TTF1: variants seen among roughly 807,000 people sequenced by gnomAD.
TTF1 encodes transcription termination factor, RNA polymerase I.
TTF1 carries 64 observed loss-of-function variants against 80.2 expected under a neutral mutation model. The ratio of observed to expected loss-of-function variants is 0.80; its 90% CI spans 0.65 to 0.98. TTF1 has a LOEUF of 0.98. TTF1 is among the 50% of genes least tolerant of loss of function. The pLI, the probability that TTF1 is intolerant of heterozygous loss-of-function variation, is 0.00. For missense variants in TTF1, 1,023 were observed against 1,086.2 expected (o/e 0.94, Z 0.82); for synonymous variants, 372 against 382.7 (o/e 0.97, Z 0.33).
intron 9 of TTF1, 89 bp downstream of exon 9, chr9:132,386,464 CATT>C: frequency 1.9e-6 from 2 of 1,076,496 alleles, no homozygotes; most frequent in Non-Finnish European, 2.8e-6. Flanking sequence ...AATGCAGCAT[CATT>C]ATCAGCCCTG....
intron 1 of TTF1, among the ~76,000 whole-genome samples, chr9:132,406,385 T>C (rs1849867546): frequency 6.6e-6 from 1 of 152,086 alleles, no homozygotes; most frequent in African/African-American, 2.4e-5. Flanking sequence ...GTGGATCACC[T>C]GAAGTCAGGA....
intron 9 of TTF1, among the ~76,000 whole-genome samples, chr9:132,383,915 C>T (rs2131626544): frequency 6.6e-6 from 1 of 152,220 alleles, no homozygotes; most frequent in Non-Finnish European, 1.5e-5. Flanking sequence ...ACATATATAG[C>T]CAGTCCCCTA....
chr9:132,388,316 T>A, intron 7 of TTF1, 88 bp from the exon 8 acceptor site: 2 of 925,870 alleles, frequency 2.2e-6, no homozygotes, highest in Non-Finnish European at 3.2e-6. Flanking sequence ...TAAATTGCTC[T>A]CATTCAGAAC....
chr9:132,388,017 C>A, intron 8 of TTF1, 122 bp downstream of exon 8: 1 of 655,378 alleles, frequency 1.5e-6, no homozygotes, highest in East Asian at 2.8e-5. Flanking sequence ...ACAATACATG[C>A]GGAAAGTGCT....
At chr9:132,404,727 T>C (rs933893727) in intron 1 of TTF1, among the ~76,000 whole-genome samples, 2 of 152,188 alleles carry the variant, frequency 1.3e-5, no homozygotes, top group African/African-American at 4.8e-5. Context: ...CATCCACTTA[T>C]TAACCCACAT....
chr9:132,388,848 A>G (rs1849513821), intron 7 of TTF1, among the ~76,000 whole-genome samples: 1 of 152,260 alleles, frequency 6.6e-6, no homozygotes, highest in Non-Finnish European at 1.5e-5. Context: ...TATCTTGAAT[A>G]GCAAAATTTG....
intron 1 of TTF1, among the ~76,000 whole-genome samples, chr9:132,405,142 CT>C (rs955396667): frequency 3.3e-5 from 5 of 152,210 alleles, no homozygotes; most frequent in Non-Finnish European, 7.3e-5. Flanking sequence ...CCGCCTCGGC[CT>C]CCCAAAGTGC....
intron 3 of TTF1, among the ~76,000 whole-genome samples, 182 bp from the exon 4 acceptor site, chr9:132,398,508 C>T (rs932833355): frequency 6.6e-6 from 1 of 152,236 alleles, no homozygotes; most frequent in Non-Finnish European, 1.5e-5. Flanking sequence ...CCAAGCCACA[C>T]CTCTTCTGTC....
intron 9 of TTF1, among the ~76,000 whole-genome samples, chr9:132,382,668 A>G (rs985899126): frequency 6.6e-6 from 1 of 151,878 alleles, no homozygotes; most frequent in African/African-American, 2.4e-5. Context: ...ATGGTGGCTC[A>G]CGTCTGTAAT....
chr9:132,405,243 C>T (rs1849844942), intron 1 of TTF1, among the ~76,000 whole-genome samples: 1 of 151,538 alleles, frequency 6.6e-6, no homozygotes, highest in Admixed American at 6.6e-5. Context: ...CTCGTTCTGT[C>T]ACCCAGGCTG....
At position 132,384,213 on chromosome 9, in the gene TTF1, G is replaced by A. The variant is rs1295976502; in HGVS notation, c.2378+2343C>T. 6.6e-6 allele frequency among the ~76,000 whole-genome samples: 1 copy of A among 151,962 alleles called. No homozygotes were observed. The highest frequency in any genetic ancestry group is 1.5e-5 in the Non-Finnish European group (1 of 67,978). ...ATCTGTCTAAAATTTTCCTAATAAA[G>A]TTTCTGAAAAAAATAATTGGGCATT... On this transcript the variant is annotated intron_variant, in intron 9 of 10. Coordinates refer to ENST00000334270, the MANE Select transcript of TTF1 (RefSeq NM_007344.4). This position sits in a 1 kb window ranked among gnomAD's most constrained non-coding sequence, Gnocchi z 4.1.
intron 5 of TTF1, among the ~76,000 whole-genome samples, chr9:132,393,268 A>AGC (rs571260507): frequency 0.028 from 2,697 of 97,136 alleles, 52 homozygotes; most frequent in Non-Finnish European, 0.048. Flanking sequence ...GTTGGGAGCA[A>AGC]GCCCCCCCCG....
intron 1 of TTF1, among the ~76,000 whole-genome samples, chr9:132,403,750 T>C (rs1273943904): frequency 2.6e-5 from 4 of 152,170 alleles, no homozygotes; most frequent in Admixed American, 2.0e-4. Flanking sequence ...GTTTGTACCA[T>C]GGAGAAGCCA....
rs2131621151 is a variant in TTF1, at chr9:132,379,233, A to C, written c.2379-89T>G. 3.2e-6 allele frequency: 3 copies of C among 930,222 alleles called. No individual in the cohort carries two copies. In the East Asian group the frequency reaches 8.0e-5, roughly 25 times the overall value. 57.6% of individuals were successfully genotyped at this position (930,222 alleles called of 1,614,324 possible). ...TGTAGTAAGTACATTTATTCAGGTG[A>C]GGTTTATAGTTTTTTTTATCGTAAA... On this transcript the variant is annotated intron_variant, in intron 9 of 10. Coordinates refer to ENST00000334270, the MANE Select transcript of TTF1 (RefSeq NM_007344.4).
intron 7 of TTF1, among the ~76,000 whole-genome samples, chr9:132,389,507 A>G (rs970974104): frequency 6.6e-6 from 1 of 152,112 alleles, no homozygotes; most frequent in Non-Finnish European, 1.5e-5. Flanking sequence ...TTAGCTAAAA[A>G]TAGAGGTAAA....
intron 3 of TTF1, 105 bp downstream of exon 3, chr9:132,399,930 G>A: frequency 8.1e-7 from 1 of 1,227,650 alleles, no homozygotes; most frequent in African/African-American, 1.5e-5. Context: ...GGAGGAGAAA[G>A]AATGCTTCTT....
Position 132,401,985 on chromosome 9 carries a change from C to CTTTTT in TTF1, c.832_836dup (p.Lys281ArgfsTer144). The CTTTTT allele has an allele frequency of 6.2e-7, 1 of 1,613,472 alleles. No homozygotes were observed. On this transcript the variant is annotated frameshift_variant, in exon 2 of 11. Coordinates refer to ENST00000334270, the MANE Select transcript of TTF1 (RefSeq NM_007344.4). LOFTEE classifies it high-confidence loss of function. ...ATTCCTGGTGATTGGACTTTTTCTT[C>CTTTTT]TTTTTTTTCTTAGACTTTTTTTTGT... is the stretch of plus-strand genomic sequence containing the variant.
At chr9:132,386,976 G>A (rs1849479909) in intron 8 of TTF1, among the ~76,000 whole-genome samples, 1 of 151,734 alleles carries the variant, frequency 6.6e-6, no homozygotes, top group South Asian at 2.1e-4. Flanking sequence ...TCTTTTTTTT[G>A]ATACAGGGTC....
rs533267416 is a variant in TTF1 at position 132,386,429 on chromosome 9, TA to T, written c.2378+126del. 7.1e-6 allele frequency: 6 copies of T among 841,426 alleles called. No homozygotes were observed. In the African/African-American group the frequency reaches 8.7e-5, roughly 12 times the overall value. 52.1% of individuals were successfully genotyped at this position (841,426 alleles called of 1,614,324 possible). A position where few individuals can be genotyped will look rare whatever the true frequency, so the allele number is the denominator to read the frequency against. On this transcript the variant is annotated intron_variant, in intron 9 of 10. Coordinates refer to ENST00000334270, the MANE Select transcript of TTF1 (RefSeq NM_007344.4). ...GTTTCCTAGCAAATACACTGAATTTTAACCACCACTTATACAAAATTCCAAA... is the reference window on the plus strand; with the variant it reads ...GTTTCCTAGCAAATACACTGAATTTTACCACCACTTATACAAAATTCCAAA...
Sources: gnomAD v4.1 joint callset for allele counts (sites outside exome capture counted in the v4.1 genomes callset) on GRCh38, gnomAD v4.1.1 for gene constraint, Gnocchi (gnomAD v3.1) non-coding constraint, MANE v1.5 for transcripts, NCBI Gene and HGNC (gene_info 2026-07-23, HGNC 2026-07-21) for gene names.